FAM135B: variants seen among roughly 807,000 people sequenced by gnomAD.
FAM135B encodes protein FAM135B.
FAM135B carries 43 observed loss-of-function variants against 127.7 expected under a neutral mutation model. That is an observed-to-expected ratio of 0.34 (90% CI 0.26 to 0.43). The LOEUF is 0.43. Among genes scored for constraint, FAM135B ranks in the 20% least tolerant of loss-of-function variants. The pLI is 1.00. For synonymous variants in FAM135B, 670 were observed against 665.1 expected (o/e 1.01, Z -0.11); for missense variants, 1,558 against 1,725.6 (o/e 0.90, Z 1.72).
At chr8:138,193,028 A>G (rs757307428) in intron 9 of FAM135B, among the ~76,000 whole-genome samples, 9 of 152,190 alleles carry the variant, frequency 5.9e-5, no homozygotes, top group Non-Finnish European at 1.2e-4. Flanking sequence ...CGACGTGCAT[A>G]ATCTTTGCAA....
intron 13 of FAM135B, 86 bp from the exon 14 acceptor site, chr8:138,148,772 G>T: frequency 9.8e-7 from 1 of 1,025,016 alleles, no homozygotes; most frequent in Non-Finnish European, 1.4e-6. Context: ...TAGAAGGGCT[G>T]AGCACCCACA....
At chr8:138,297,653 A>T (rs989442093) in intron 3 of FAM135B, among the ~76,000 whole-genome samples, 1 of 152,212 alleles carries the variant, frequency 6.6e-6, no homozygotes, top group African/African-American at 2.4e-5. Context: ...TGAACGTCCA[A>T]TGAGAGCTGG....
intron 5 of FAM135B, among the ~76,000 whole-genome samples, chr8:138,253,106 G>A (rs1057162770): frequency 6.6e-6 from 1 of 152,052 alleles, no homozygotes; most frequent in Non-Finnish European, 1.5e-5. Context: ...TGGCCAAGAA[G>A]GCTTCTTTTC....
At chr8:138,449,667 C>G (rs1836386218) in intron 1 of FAM135B, among the ~76,000 whole-genome samples, 1 of 152,088 alleles carries the variant, frequency 6.6e-6, no homozygotes, top group Admixed American at 6.6e-5. Flanking sequence ...TTATGTTTTT[C>G]AAACAGCTTT....
chr8:138,242,834 C>T lies in FAM135B; in HGVS notation c.669+108G>A. 6.9e-7 allele frequency: 1 copy of T among 1,442,422 alleles called. No homozygotes were observed. The highest frequency in any genetic ancestry group is 9.2e-7 in the Non-Finnish European group (1 of 1,084,848). The allele number at this position is 1,442,422 out of a possible 1,614,324, so 89.4% of individuals were successfully genotyped here. ...ATGGTGAAAGGAAGGGTCAAATTAG[C>T]AAAAATCTCTGAAGGGGATGTTTCA... On this transcript the variant is annotated intron_variant, in intron 7 of 19. Coordinates refer to ENST00000395297, the MANE Select transcript of FAM135B (RefSeq NM_015912.4). The surrounding 1 kb of genome is among the most constrained non-coding windows in gnomAD (Gnocchi z 9.6).
intron 2 of FAM135B, among the ~76,000 whole-genome samples, chr8:138,338,531 A>T (rs1346464708): frequency 6.6e-6 from 1 of 151,908 alleles, no homozygotes; most frequent in Non-Finnish European, 1.5e-5. Context: ...ACTGGCCATC[A>T]GAGAAATGCA....
chr8:138,256,737 A>G lies in FAM135B; in HGVS notation c.320T>C (p.Val107Ala), dbSNP rs149842714. Residue 107 changes from valine to alanine, a missense_variant, in exon 5 of 20, where the codon GTA becomes GCA. By Grantham distance (64) the Val-to-Ala change is moderately conservative. Around this residue, in one of 5 missense-constraint regions of FAM135B, gnomAD observed 199 missense variants for 245.7 expected, o/e 0.81. Coordinates refer to ENST00000395297, the MANE Select transcript of FAM135B (RefSeq NM_015912.4). ...GERMEDALSE[V>A]DFQLKVDLHF... ...CAGATCCACCTTGAGTTGAAAATCT[A>G]CTTCACTCAGTGCGTCTTCCATCTG... is the stretch of plus-strand genomic sequence containing the variant. The G allele has an allele frequency of 1.5e-5, 24 of 1,613,924 alleles. No homozygotes were observed. The highest frequency in any genetic ancestry group is 1.1e-4 in the East Asian group (5 of 44,848).
intron 11 of FAM135B, among the ~76,000 whole-genome samples, chr8:138,174,528 C>G (rs772517772): frequency 2.6e-5 from 4 of 152,234 alleles, no homozygotes; most frequent in Non-Finnish European, 5.9e-5. Flanking sequence ...AATTCTCCCT[C>G]TGTTTTACAG....
chr8:138,478,613 A>C (rs1814628191), intron 1 of FAM135B, among the ~76,000 whole-genome samples: 1 of 152,306 alleles, frequency 6.6e-6, no homozygotes, highest in South Asian at 2.1e-4. Context: ...TTCTAAATAC[A>C]CTGGCTCTAC....
chr8:138,251,063 G>T (rs760194690), intron 5 of FAM135B, 49 bp from the exon 6 acceptor site: 16 of 1,603,816 alleles, frequency 1.0e-5, no homozygotes, highest in Non-Finnish European at 1.7e-6. Context: ...GGTTGCCCCT[G>T]CTGTCCTCCT....
At chr8:138,356,636 T>A (rs1258270145) in intron 2 of FAM135B, among the ~76,000 whole-genome samples, 1 of 152,130 alleles carries the variant, frequency 6.6e-6, no homozygotes, top group Non-Finnish European at 1.5e-5. Flanking sequence ...GAGAACACAA[T>A]GTATGATGGT....
At chr8:138,484,414 T>C (rs1814908357) in intron 1 of FAM135B, among the ~76,000 whole-genome samples, 1 of 152,230 alleles carries the variant, frequency 6.6e-6, no homozygotes, top group African/African-American at 2.4e-5. Flanking sequence ...AGGGGATATC[T>C]ACAGTGCAGC....
chr8:138,226,120 C>T (rs1343827188), intron 7 of FAM135B, among the ~76,000 whole-genome samples: 1 of 146,530 alleles, frequency 6.8e-6, no homozygotes, highest in Non-Finnish European at 1.5e-5. Context: ...CCTTGAAGTT[C>T]TAAAAAAATA....
At chr8:138,357,770 T>G (rs1830181478) in intron 2 of FAM135B, among the ~76,000 whole-genome samples, 1 of 152,292 alleles carries the variant, frequency 6.6e-6, no homozygotes, top group Admixed American at 6.5e-5. Flanking sequence ...TTCTAGAGTT[T>G]AGTATATTTT....
At chr8:138,400,004 T>C (rs1833067585) in intron 1 of FAM135B, among the ~76,000 whole-genome samples, 1 of 152,194 alleles carries the variant, frequency 6.6e-6, no homozygotes. Flanking sequence ...TTTGAAACTA[T>C]CTAGCTAACC....
At chr8:138,142,288 C>CTTT (rs71316322) in intron 16 of FAM135B, among the ~76,000 whole-genome samples, 1,087 of 62,256 alleles carry the variant, frequency 0.017, 1 homozygote, top group Non-Finnish European at 0.027. Context: ...TCTGCTTCTT[C>CTTT]TTTTTTTTTT....
At chr8:138,468,873 C>CTG (rs1564026410) in intron 1 of FAM135B, among the ~76,000 whole-genome samples, 56 of 152,184 alleles carry the variant, frequency 3.7e-4, no homozygotes, top group Admixed American at 3.0e-3. Context: ...AGTGAAACCC[C>CTG]GCCTCTACTA....
intron 9 of FAM135B, among the ~76,000 whole-genome samples, chr8:138,192,369 C>T (rs1007862345): frequency 6.6e-6 from 1 of 152,208 alleles, no homozygotes; most frequent in African/African-American, 2.4e-5. Context: ...CCAACACAAA[C>T]CCCCTTCTTG....
intron 3 of FAM135B, among the ~76,000 whole-genome samples, chr8:138,282,515 C>G (rs560573900): frequency 6.6e-6 from 1 of 152,176 alleles, no homozygotes; most frequent in South Asian, 2.1e-4. Flanking sequence ...AAAAAATGAG[C>G]CAAATATCTT....
Sources: allele counts gnomAD v4.1 joint callset (sites outside exome capture counted in the v4.1 genomes callset), GRCh38; gene constraint gnomAD v4.1.1; regional missense constraint gnomAD v4.1.1; non-coding constraint Gnocchi (gnomAD v3.1); transcripts MANE v1.5; gene names NCBI Gene and HGNC (gene_info 2026-07-23, HGNC 2026-07-21).